CNIH3: variants seen among roughly 807,000 people sequenced by gnomAD.
The protein encoded by CNIH3 is protein cornichon homolog 3.
In CNIH3, 14 loss-of-function variants were observed where a neutral mutation model predicts 24.1. The ratio of observed to expected loss-of-function variants is 0.58; its 90% confidence interval spans 0.38 to 0.91. CNIH3 has a LOEUF of 0.91. CNIH3 is among the 40% of genes least tolerant of loss of function. The probability of loss-of-function intolerance (pLI) is 0.00; values close to 1 mark genes in which losing one functional copy is unlikely to be tolerated. For missense variants in CNIH3, 178 were observed against 196.8 expected (o/e 0.90, Z 0.57); for synonymous variants, 68 against 73.8 (o/e 0.92, Z 0.40).
At chr1:224,715,032 A>G (rs1188830603) in intron 3 of CNIH3, among the ~76,000 whole-genome samples, 1 of 152,150 alleles carries the variant, frequency 6.6e-6, no homozygotes, top group Non-Finnish European at 1.5e-5. Context: ...CTTGAAAACA[A>G]CCAATCAACA....
At chr1:224,598,116 C>T (rs1682062927) in intron 3 of CNIH3, among the ~76,000 whole-genome samples, 1 of 152,202 alleles carries the variant, frequency 6.6e-6, no homozygotes, top group South Asian at 2.1e-4. Flanking sequence ...CCATTAAGAA[C>T]ATGTGTAATT....
intron 1 of CNIH3, among the ~76,000 whole-genome samples, chr1:224,483,213 A>G (rs990732519): frequency 1.3e-5 from 2 of 152,144 alleles, no homozygotes; most frequent in Non-Finnish European, 2.9e-5. Context: ...AGTTGGGCAT[A>G]ATGGTGGGTG....
intron 1 of CNIH3, among the ~76,000 whole-genome samples, chr1:224,622,246 C>A (rs1683317447): frequency 6.6e-6 from 1 of 152,196 alleles, no homozygotes; most frequent in Non-Finnish European, 1.5e-5. Context: ...TTCCCCCATG[C>A]CTTGGCACTT....
chr1:224,648,125 C>T (rs774576700), intron 1 of CNIH3, among the ~76,000 whole-genome samples: 3 of 152,112 alleles, frequency 2.0e-5, no homozygotes, highest in Admixed American at 1.3e-4. Flanking sequence ...GGCGGCTGGG[C>T]GCAGTGGCTC....
At chr1:224,538,492 A>G (rs532183800), downstream of CNIH3, among the ~76,000 whole-genome samples, 61 of 152,186 alleles carry the variant, frequency 4.0e-4, no homozygotes, top group Non-Finnish European at 7.5e-4. Flanking sequence ...GTTGCTATAT[A>G]TACAGGTAGC....
intron 4 of CNIH3, among the ~76,000 whole-genome samples, chr1:224,573,379 T>A (rs1010707693): frequency 6.6e-6 from 1 of 152,142 alleles, no homozygotes; most frequent in Non-Finnish European, 1.5e-5. Flanking sequence ...TTTGGAGATG[T>A]ATGAAAATGG....
At chr1:224,597,016 G>T (rs1049584426) in intron 3 of CNIH3, among the ~76,000 whole-genome samples, 4 of 152,156 alleles carry the variant, frequency 2.6e-5, no homozygotes, top group Non-Finnish European at 5.9e-5. Context: ...GCCAGGCGTG[G>T]TGGTGCATGC....
chr1:224,652,275 C>G (rs1486799423), intron 1 of CNIH3, among the ~76,000 whole-genome samples: 3 of 151,974 alleles, frequency 2.0e-5, no homozygotes, highest in Non-Finnish European at 4.4e-5. Context: ...ACTGGGGTAA[C>G]TTTAACATTC....
chr1:224,720,448 C>T (rs1307022056), intron 3 of CNIH3, among the ~76,000 whole-genome samples: 2 of 152,040 alleles, frequency 1.3e-5, no homozygotes, highest in Non-Finnish European at 2.9e-5. Context: ...CTGTAGCAGG[C>T]AGTGGAAGTG....
intron 1 of CNIH3, among the ~76,000 whole-genome samples, chr1:224,509,324 T>C (rs577421290): frequency 8.1e-4 from 123 of 151,686 alleles, no homozygotes; most frequent in Non-Finnish European, 1.6e-3. Context: ...ACCCTGAAGA[T>C]AGAAAGACGA....
intron 2 of CNIH3, among the ~76,000 whole-genome samples, chr1:224,527,952 C>T (rs1288002671): frequency 2.0e-5 from 3 of 152,132 alleles, no homozygotes; most frequent in African/African-American, 7.2e-5. Context: ...TATATGTACA[C>T]ACACATAAGA....
intron 3 of CNIH3, among the ~76,000 whole-genome samples, chr1:224,594,291 T>A (rs1681886858): frequency 6.6e-6 from 1 of 152,176 alleles, no homozygotes; most frequent in African/African-American, 2.4e-5. Flanking sequence ...CCCCCGCTTG[T>A]CTGGAAGGGG....
intron 5 of CNIH3, among the ~76,000 whole-genome samples, chr1:224,585,762 A>G (rs1250264774): frequency 6.6e-6 from 1 of 152,064 alleles, no homozygotes; most frequent in Admixed American, 6.5e-5. Flanking sequence ...TGAGATTACA[A>G]ACCTAAATGA....
intron 1 of CNIH3, among the ~76,000 whole-genome samples, chr1:224,442,682 T>A (rs902045168): frequency 6.6e-6 from 1 of 152,250 alleles, no homozygotes; most frequent in Non-Finnish European, 1.5e-5. Flanking sequence ...ATCAACCTTA[T>A]GAAGGCTGTA....
intron 3 of CNIH3, among the ~76,000 whole-genome samples, chr1:224,688,784 G>T (rs183359708): frequency 2.0e-5 from 3 of 151,322 alleles, no homozygotes; most frequent in African/African-American, 7.4e-5. Flanking sequence ...AATTAGTCGG[G>T]CGTGGTGGTG....
intron 1 of CNIH3, among the ~76,000 whole-genome samples, chr1:224,626,746 C>G (rs142755360): frequency 1.2e-4 from 18 of 152,260 alleles, no homozygotes; most frequent in Admixed American, 3.3e-4. Flanking sequence ...CCTCTCCAGC[C>G]GGTCTCCCAC....
At chr1:224,645,164 T>C (rs904855890) in intron 1 of CNIH3, among the ~76,000 whole-genome samples, 1 of 152,208 alleles carries the variant, frequency 6.6e-6, no homozygotes. Flanking sequence ...GGAAAAACTG[T>C]ATGCTTACCT....
At chr1:224,551,769 C>A (rs1023458590) in intron 3 of CNIH3, among the ~76,000 whole-genome samples, 1 of 151,064 alleles carries the variant, frequency 6.6e-6, no homozygotes, top group Non-Finnish European at 1.5e-5. Flanking sequence ...AGAGGGAGTA[C>A]ACCCACTGTG....
chr1:224,661,208 G>A, intron 1 of CNIH3: 1 of 275,638 alleles, frequency 3.6e-6, no homozygotes. Flanking sequence ...TCCTCACCAT[G>A]TATCGTTAAG....
Sources: gnomAD v4.1 joint callset for allele counts (sites outside exome capture counted in the v4.1 genomes callset) on GRCh38, gnomAD v4.1.1 for gene constraint, MANE v1.5 for transcripts, NCBI Gene and HGNC (gene_info 2026-07-23, HGNC 2026-07-21) for gene names.